The following GPC5 variants were observed in gnomAD, a reference collection of about 807,000 sequenced individuals.
The protein encoded by GPC5 is glypican-5.
Under a neutral mutation model 53.9 loss-of-function variants are expected in GPC5, and 47 were observed. The observed-to-expected ratio is 0.87, with a 90% CI of 0.69 to 1.11. The LOEUF (loss-of-function observed/expected upper bound fraction) is 1.11, where lower values mean the gene tolerates loss of function less well. Ranked by LOEUF, GPC5 falls within the 50% of genes most tolerant of loss-of-function variation. The pLI is 0.00. For missense variants in GPC5, 748 were observed against 713.1 expected (o/e 1.05, Z -0.56); for synonymous variants, 286 against 263.3 (o/e 1.09, Z -0.84).
intron 7 of GPC5, among the ~76,000 whole-genome samples, chr13:92,180,398 G>T (rs934643473): frequency 3.3e-5 from 5 of 152,130 alleles, no homozygotes; most frequent in African/African-American, 1.2e-4. Context: ...ATTTAAGCTG[G>T]ATTTTCTCTT....
intron 2 of GPC5, among the ~76,000 whole-genome samples, chr13:91,608,839 T>G (rs1032229443): frequency 5.9e-5 from 9 of 151,730 alleles, no homozygotes; most frequent in Admixed American, 3.9e-4. Context: ...TCAATGGTAT[T>G]TGCTGTTAAT....
chr13:91,702,276 T>C (rs886786981), intron 3 of GPC5, among the ~76,000 whole-genome samples: 7 of 152,166 alleles, frequency 4.6e-5, no homozygotes, highest in African/African-American at 1.4e-4. Context: ...TCCTTGGATA[T>C]GCATAGCATT....
chr13:91,872,282 C>T (rs144649556), intron 5 of GPC5, among the ~76,000 whole-genome samples: 2 of 152,230 alleles, frequency 1.3e-5, no homozygotes, highest in East Asian at 3.9e-4. Context: ...CCCAAATAAA[C>T]ATCTCACTAA....
chr13:92,155,207 T>C (rs987161898), intron 7 of GPC5, among the ~76,000 whole-genome samples: 1 of 152,192 alleles, frequency 6.6e-6, no homozygotes, highest in East Asian at 1.9e-4. Context: ...AAAATTAATT[T>C]TGTTCAATAC....
chr13:91,852,364 C>T (rs894094632), intron 5 of GPC5, among the ~76,000 whole-genome samples: 1 of 151,960 alleles, frequency 6.6e-6, no homozygotes, highest in African/African-American at 2.4e-5. Context: ...ATTGAAAGGT[C>T]GTCAGGGCAA....
intron 7 of GPC5, among the ~76,000 whole-genome samples, chr13:92,269,559 C>T (rs938477865): frequency 1.3e-5 from 2 of 152,142 alleles, no homozygotes; most frequent in African/African-American, 4.8e-5. Context: ...GCATCTGCCA[C>T]CATGCCCGGC....
chr13:91,571,910 A>ACACACATATACGTGTGTGTGTG lies in GPC5; in HGVS notation c.326-121277_326-121276insCACACATATACGTGTGTGTGTG, dbSNP rs1566516136. 4.0e-5 allele frequency among the ~76,000 whole-genome samples: 3 copies of ACACACATATACGTGTGTGTGTG among 75,502 alleles called. 1 individual carries two copies. Among genetic ancestry groups the ACACACATATACGTGTGTGTGTG allele is most frequent in the African/African-American group, 2.2e-4 (3 of 13,722 alleles). The allele number at this position is 75,502 out of a possible 152,430, so 49.5% of individuals were successfully genotyped here. The stretch of plus-strand genomic sequence containing the variant: ...ACGTGTGTATATACACATATTGTAT[A>ACACACATATACGTGTGTGTGTG]TATACACATATTGTATATATACACA... On this transcript the variant is annotated intron_variant, in intron 2 of 7. Transcript: ENST00000377067.
rs372090507 is a variant in GPC5, at chr13:92,685,122, ACT to A, written c.1562-181157_1562-181156del. Among the ~76,000 whole-genome samples, 118 of 146,456 alleles carry A rather than the reference ACT, an allele frequency of 8.1e-4. 1 individual carries two copies. Among genetic ancestry groups the A allele is most frequent in the African/African-American group, 2.8e-3 (105 of 37,122 alleles). ...ATTTATTTATTTGAGATGTAGTCTC[ACT>A]CTGTCACCCATGCTAGAGTGCAGTG... On this transcript the variant is annotated intron_variant, in intron 7 of 7. Coordinates refer to ENST00000377067, the MANE Select transcript of GPC5 (RefSeq NM_004466.6).
At chr13:91,737,961 T>G (rs2036849684) in intron 4 of GPC5, among the ~76,000 whole-genome samples, 1 of 151,264 alleles carries the variant, frequency 6.6e-6, no homozygotes, top group Admixed American at 6.6e-5. Context: ...ATATGGGGCT[T>G]AAGGAAAGGC....
At chr13:92,498,150 G>A (rs1464696468) in intron 7 of GPC5, among the ~76,000 whole-genome samples, 2 of 152,086 alleles carry the variant, frequency 1.3e-5, no homozygotes, top group African/African-American at 4.8e-5. Flanking sequence ...AGGAACTAAA[G>A]TACACTTGGA....
chr13:92,307,967 G>T (rs1022065120), intron 7 of GPC5, among the ~76,000 whole-genome samples: 2 of 152,066 alleles, frequency 1.3e-5, no homozygotes, highest in African/African-American at 4.8e-5. Context: ...ATTTTTTATT[G>T]TCAGATGGAG....
chr13:92,846,977 A>C (rs1425989387), intron 7 of GPC5, among the ~76,000 whole-genome samples: 1 of 152,140 alleles, frequency 6.6e-6, no homozygotes, highest in African/African-American at 2.4e-5. Context: ...GGATAGTGAG[A>C]TATTCTAAGA....
chr13:91,765,382 A>G (rs1338200165), intron 5 of GPC5, among the ~76,000 whole-genome samples: 4 of 152,256 alleles, frequency 2.6e-5, no homozygotes, highest in African/African-American at 9.6e-5. Context: ...GGTTTCAGTC[A>G]TCTGCTTTTC....
intron 7 of GPC5, among the ~76,000 whole-genome samples, chr13:92,160,929 G>A (rs1452341581): frequency 6.6e-6 from 1 of 152,126 alleles, no homozygotes; most frequent in Non-Finnish European, 1.5e-5. Flanking sequence ...ATATGGTCAA[G>A]CGTCTCTTCA....
At position 92,817,566 on chromosome 13, in the gene GPC5, T is replaced by C. The variant is rs144710951; in HGVS notation, c.1562-48716T>C. Among the ~76,000 whole-genome samples the C allele has an allele frequency of 8.5e-5, 13 of 152,102 alleles. 1 individual carries two copies. Among genetic ancestry groups the C allele is most frequent in the Non-Finnish European group, 1.6e-4 (11 of 68,016 alleles). ...TTTACTGTACAGAATTTTGACTATA[T>C]TTAATCTTTGAAAAATTAATCAGAA... On this transcript the variant is annotated intron_variant, in intron 7 of 7. Transcript: ENST00000377067.
At chr13:92,799,756 C>G (rs755083388) in intron 7 of GPC5, among the ~76,000 whole-genome samples, 14 of 151,752 alleles carry the variant, frequency 9.2e-5, no homozygotes, top group Non-Finnish European at 1.5e-4. Context: ...CTTTTTCTCT[C>G]CCTTCACACA....
chr13:91,497,949 C>T (rs1369511069), intron 2 of GPC5, among the ~76,000 whole-genome samples: 2 of 152,030 alleles, frequency 1.3e-5, no homozygotes, highest in Admixed American at 1.3e-4. Flanking sequence ...ACAAACAATC[C>T]AATTCTTGCC....
chr13:91,860,212 A>G (rs1391071845), intron 5 of GPC5, among the ~76,000 whole-genome samples: 1 of 151,974 alleles, frequency 6.6e-6, no homozygotes, highest in East Asian at 1.9e-4. Flanking sequence ...ATCTCTTCCC[A>G]TCCCTCCCTT....
At chr13:92,715,689 A>G (rs1364258415) in intron 7 of GPC5, among the ~76,000 whole-genome samples, 1 of 152,220 alleles carries the variant, frequency 6.6e-6, no homozygotes, top group African/African-American at 2.4e-5. Flanking sequence ...GCTGTACTAT[A>G]CCAAGGATTA....
Sources: gnomAD v4.1 joint callset for allele counts (sites outside exome capture counted in the v4.1 genomes callset) on GRCh38, gnomAD v4.1.1 for gene constraint, MANE v1.5 for transcripts, NCBI Gene and HGNC (gene_info 2026-07-23, HGNC 2026-07-21) for gene names.